The following CYP46A1 variants were observed in gnomAD, a reference collection of about 807,000 sequenced individuals.
CYP46A1 encodes cytochrome P450 family 46 subfamily A member 1.
A neutral mutation model predicts 63.3 loss-of-function variants in CYP46A1; 20 were observed. The ratio of observed to expected loss-of-function variants is 0.32; its 90% CI spans 0.22 to 0.46. The LOEUF is 0.46. CYP46A1 is among the 20% of genes least tolerant of loss of function. The pLI is 1.00. For missense variants in CYP46A1, 445 were observed against 670.8 expected (o/e 0.66, Z 3.72); for synonymous variants, 268 against 273.6 (o/e 0.98, Z 0.20).
intron 3 of CYP46A1, among the ~76,000 whole-genome samples, chr14:99,694,327 G>GAT (rs1024186412): frequency 1.5e-5 from 2 of 134,312 alleles, no homozygotes; most frequent in Non-Finnish European, 3.2e-5. Flanking sequence ...TAGGATCTGT[G>GAT]ATATGTTCCC....
In CYP46A1 at chr14:99,707,565, C is replaced by G. The variant is rs757013698; in HGVS notation, c.583-3C>G. 1 of 1,613,664 alleles carries G rather than the reference C, an allele frequency of 6.2e-7. No homozygotes were observed. The highest frequency in any genetic ancestry group is 8.5e-7 in the Non-Finnish European group (1 of 1,179,728). The stretch of plus-strand genomic sequence containing the variant: ...GATGACCTTGCCCTTCTCTCTCCCC[C>G]AGGCAGCTTTTGGGATGGAGACCAG... On this transcript the variant is annotated splice_region_variant and splice_polypyrimidine_tract_variant and intron_variant, in intron 6 of 14. Transcript: ENST00000261835.
At chr14:99,721,039 G>A (rs543551650) in intron 10 of CYP46A1, among the ~76,000 whole-genome samples, 200 bp from the exon 11 acceptor site, 2 of 152,028 alleles carry the variant, frequency 1.3e-5, no homozygotes, top group South Asian at 2.1e-4. Flanking sequence ...GCAGTGAGCC[G>A]AGATCACACC....
chr14:99,719,390 T>TG (rs1416629527), intron 10 of CYP46A1, among the ~76,000 whole-genome samples: 3 of 150,864 alleles, frequency 2.0e-5, no homozygotes, highest in African/African-American at 7.4e-5. Flanking sequence ...TTTTTTTTTT[T>TG]TGTGTATTTT....
At chr14:99,701,363 T>C (rs1252778021) in intron 5 of CYP46A1, among the ~76,000 whole-genome samples, 1 of 152,234 alleles carries the variant, frequency 6.6e-6, no homozygotes, top group African/African-American at 2.4e-5. Context: ...CCTATCCAGG[T>C]GGACCATTTA....
At chr14:99,685,974 T>C (rs1282959021) in intron 1 of CYP46A1, among the ~76,000 whole-genome samples, 1 of 152,208 alleles carries the variant, frequency 6.6e-6, no homozygotes, top group Non-Finnish European at 1.5e-5. Context: ...CTGAAATCAC[T>C]GTAATTTTCC....
chr14:99,726,532 T>C, intron 14 of CYP46A1, 25 bp from the exon 15 acceptor site: 1 of 1,542,288 alleles, frequency 6.5e-7, no homozygotes, highest in Non-Finnish European at 8.7e-7. Flanking sequence ...CTTCATTCCT[T>C]CCTCATTTTG....
chr14:99,698,095 G>GA (rs890131424), intron 3 of CYP46A1, among the ~76,000 whole-genome samples: 1 of 152,050 alleles, frequency 6.6e-6, no homozygotes, highest in African/African-American at 2.4e-5. Flanking sequence ...CTTTTCAGCT[G>GA]AAAAATCGAT....
chr14:99,721,365 A>G (rs1200939283), intron 11 of CYP46A1, 42 bp downstream of exon 11: 7 of 1,297,896 alleles, frequency 5.4e-6, no homozygotes, highest in Admixed American at 1.7e-5. Context: ...GATGTGGGTG[A>G]TCATGTCATC....
At chr14:99,685,095 CCCA>C (rs201704457) in intron 1 of CYP46A1, among the ~76,000 whole-genome samples, 14,328 of 47,410 alleles carry the variant, frequency 0.3, 3,273 homozygotes, top group South Asian at 0.4. Flanking sequence ...CCAACCCCCC[CCCA>C]CCCCCAGCTT....
At chr14:99,721,866 G>C in intron 11 of CYP46A1, 90 bp from the exon 12 acceptor site, 1 of 1,056,390 alleles carries the variant, frequency 9.5e-7, no homozygotes, top group Non-Finnish European at 1.4e-6. Flanking sequence ...CTGTGGGTGG[G>C]AAAGACAGGG....
chr14:99,695,855 T>G (rs966260030), intron 3 of CYP46A1, among the ~76,000 whole-genome samples: 4 of 152,092 alleles, frequency 2.6e-5, no homozygotes, highest in Non-Finnish European at 4.4e-5. Context: ...AGTCTTGAGC[T>G]CCTGACCTCA....
Position 99,707,549 on chromosome 14 carries a change from G to GC in CYP46A1, c.583-16dup. On this transcript the variant is annotated intron_variant, in intron 6 of 14. Transcript: ENST00000261835. ...CCTTCTGTGCCCCAGGGATGACCTT[G>GC]CCCTTCTCTCTCCCCCAGGCAGCTT... The GC allele has an allele frequency of 6.2e-7, 1 of 1,609,976 alleles. No individual in the cohort carries two copies. Among genetic ancestry groups the GC allele is most frequent in the Non-Finnish European group, 8.5e-7 (1 of 1,176,430 alleles).
intron 3 of CYP46A1, among the ~76,000 whole-genome samples, chr14:99,698,425 T>C (rs2056603655): frequency 6.6e-6 from 1 of 152,134 alleles, no homozygotes; most frequent in Non-Finnish European, 1.5e-5. Context: ...TCTCCATCTG[T>C]ATGTAAGATG....
intron 10 of CYP46A1, among the ~76,000 whole-genome samples, chr14:99,719,900 T>C (rs1277508736): frequency 2.0e-5 from 3 of 151,962 alleles, no homozygotes; most frequent in South Asian, 2.1e-4. Flanking sequence ...TAGCTGGGAC[T>C]ATAGGTGCAC....
chr14:99,727,212 T>C lies in CYP46A1; in HGVS notation c.*485T>C, dbSNP rs1595213069. Reference sequence around the variant, plus strand: ...TGCCAGGCTGTCAGCGCCTCAAGGGTAGGGTCTGCGTGTGATTTGTCTCTG... The same window carrying C: ...TGCCAGGCTGTCAGCGCCTCAAGGGCAGGGTCTGCGTGTGATTTGTCTCTG... On this transcript the variant is annotated 3_prime_UTR_variant, in exon 15 of 15. Coordinates refer to ENST00000261835, the MANE Select transcript of CYP46A1 (RefSeq NM_006668.2). 6.4e-6 allele frequency: 1 copy of C among 156,138 alleles called. No homozygotes were observed. Among genetic ancestry groups the C allele is most frequent in the South Asian group, 2.1e-4 (1 of 4,864 alleles). 9.7% of individuals were successfully genotyped at this position (156,138 alleles called of 1,614,324 possible). A position where few individuals can be genotyped will look rare whatever the true frequency, so the allele number is the denominator to read the frequency against.
chr14:99,712,007 TC>T (rs1285086922), intron 7 of CYP46A1: 2 of 152,086 alleles, frequency 1.3e-5, no homozygotes, highest in Non-Finnish European at 2.9e-5. Context: ...ATGTTATACA[TC>T]ATATTAACAG....
At chr14:99,708,127 A>G (rs2056695919) in intron 7 of CYP46A1, 1 of 257,904 alleles carries the variant, frequency 3.9e-6, no homozygotes, top group South Asian at 4.3e-5. Context: ...CGCACTGTCC[A>G]GGGACCAGAC....
chr14:99,696,897 A>T (rs1015968789), intron 3 of CYP46A1, among the ~76,000 whole-genome samples: 1 of 152,218 alleles, frequency 6.6e-6, no homozygotes, highest in African/African-American at 2.4e-5. Context: ...GATCAGTTTG[A>T]TCCTTTCCAG....
Position 99,726,913 on chromosome 14 carries a change from A to C in CYP46A1, c.*186A>C. 1 of 482,096 alleles carries C rather than the reference A, an allele frequency of 2.1e-6. No individual in the cohort carries two copies. Among genetic ancestry groups the C allele is most frequent in the South Asian group, 4.5e-5 (1 of 22,262 alleles). The allele number at this position is 482,096 out of a possible 1,614,324, so 29.9% of individuals were successfully genotyped here. On this transcript the variant is annotated 3_prime_UTR_variant, in exon 15 of 15. Transcript: ENST00000261835. ...GCGCTCCCTGTCGCCTGCGGACTCC[A>C]TGGCCCTTCCTGGACTGGCCCTTGC...
Sources: gnomAD v4.1 joint callset for allele counts (sites outside exome capture counted in the v4.1 genomes callset) on GRCh38, gnomAD v4.1.1 for gene constraint, MANE v1.5 for transcripts, NCBI Gene and HGNC (gene_info 2026-07-23, HGNC 2026-07-21) for gene names.